Variants in MIOS observed in about 807,000 individuals in gnomAD.
MIOS encodes GATOR2 complex protein MIOS.
MIOS carries 52 observed loss-of-function variants against 96.9 expected under a neutral mutation model. The ratio of observed to expected loss-of-function variants is 0.54; its 90% confidence interval spans 0.43 to 0.68. The LOEUF is 0.68. MIOS is among the 30% of genes least tolerant of loss of function. The pLI is 0.00. For missense variants in MIOS, 1,005 were observed against 1,052.8 expected (o/e 0.95, Z 0.63); for synonymous variants, 397 against 359.5 (o/e 1.10, Z -1.18).
At chr7:7,597,517 T>TATATATATATATATATATAAA (rs372634070) in intron 11 of MIOS, among the ~76,000 whole-genome samples, 1 of 70,424 alleles carries the variant, frequency 1.4e-5, no homozygotes, top group Non-Finnish European at 2.7e-5. Flanking sequence ...TATATATATA[T>TATATATATATATATATATAAA]GAAGGCAATA....
intron 5 of MIOS, among the ~76,000 whole-genome samples, chr7:7,579,287 C>T (rs1004410646): frequency 6.6e-6 from 1 of 152,164 alleles, no homozygotes; most frequent in African/African-American, 2.4e-5. Context: ...AAAAAGATCT[C>T]TAAGCAGAAA....
At chr7:7,576,873 G>A (rs934996658) in intron 5 of MIOS, among the ~76,000 whole-genome samples, 1 of 152,108 alleles carries the variant, frequency 6.6e-6, no homozygotes, top group Admixed American at 6.5e-5. Context: ...TAGATAAAGG[G>A]GTGGAGAAGA....
downstream of MIOS, chr7:7,609,044 A>G (rs1784598920): frequency 1.3e-5 from 2 of 152,222 alleles, no homozygotes; most frequent in South Asian, 4.1e-4. Context: ...TAAACTCAAC[A>G]AGATACTTTA....
intron 5 of MIOS, among the ~76,000 whole-genome samples, chr7:7,581,265 T>C (rs1457236906): frequency 6.6e-6 from 1 of 151,750 alleles, no homozygotes; most frequent in Non-Finnish European, 1.5e-5. Context: ...CGTGTGCCAT[T>C]GCACTCCAGC....
rs142721449 is a variant in MIOS at position 7,593,368 on chromosome 7, G to A, written c.2044-1612G>A. 9.1e-4 allele frequency among the ~76,000 whole-genome samples: 138 copies of A among 152,058 alleles called. 2 individuals carry two copies. In the East Asian group the frequency reaches 0.024, roughly 26 times the overall value. On this transcript the variant is annotated intron_variant, in intron 9 of 12. Transcript: ENST00000340080. ...AGATATGTTGCTTCAGTTTTTGATT[G>A]GATGTCTAAAGATTATATTAGCTCT...
chr7:7,601,899 G>C (rs985038043), intron 11 of MIOS, among the ~76,000 whole-genome samples: 2 of 152,156 alleles, frequency 1.3e-5, no homozygotes, highest in African/African-American at 4.8e-5. Context: ...TCATCCCTGG[G>C]ATGCAAGGCT....
chr7:7,586,030 T>G (rs1452211820), intron 7 of MIOS, among the ~76,000 whole-genome samples: 1 of 152,166 alleles, frequency 6.6e-6, no homozygotes, highest in African/African-American at 2.4e-5. Flanking sequence ...TTTTATGGTT[T>G]TAATATAATT....
chr7:7,585,468 A>G (rs1783860455), intron 6 of MIOS, among the ~76,000 whole-genome samples, 168 bp from the exon 7 acceptor site: 1 of 150,696 alleles, frequency 6.6e-6, no homozygotes, highest in Admixed American at 6.6e-5. Context: ...AAGTAAAGGA[A>G]TAAAAGAATG....
chr7:7,595,947 T>A (rs1373933796), intron 10 of MIOS, among the ~76,000 whole-genome samples: 1 of 152,202 alleles, frequency 6.6e-6, no homozygotes, highest in East Asian at 1.9e-4. Flanking sequence ...CATATTGGGA[T>A]ATTTTGTAAT....
At position 7,585,808 on chromosome 7, in the gene MIOS, A is replaced by G; in HGVS notation, c.1818+3A>G. 6.3e-7 allele frequency: 1 copy of G among 1,597,794 alleles called. No individual in the cohort carries two copies. The highest frequency in any genetic ancestry group is 8.5e-7 in the Non-Finnish European group (1 of 1,173,242). On this transcript the variant is annotated splice_donor_region_variant and intron_variant, in intron 7 of 12. Coordinates refer to ENST00000340080, the MANE Select transcript of MIOS (RefSeq NM_019005.4). Reference sequence around the variant, plus strand: ...CAGGATCTTACGATGGAGTTTTGGTAAGCTAACTTGTTTTTTAAGATCTTC... The same window carrying G: ...CAGGATCTTACGATGGAGTTTTGGTGAGCTAACTTGTTTTTTAAGATCTTC...
rs1345378583 is a variant in MIOS at position 7,572,205 on chromosome 7, G to C, written c.-40-231G>C. Among the ~76,000 whole-genome samples the C allele has an allele frequency of 6.6e-6, 1 of 152,158 alleles. No individual in the cohort carries two copies. Among genetic ancestry groups the C allele is most frequent in the African/African-American group, 2.4e-5 (1 of 41,440 alleles). ...AATTGATCATGGGAAATATAGCCAG[G>C]ATGGGATTCTCAGATTCCTACCAGC... On this transcript the variant is annotated intron_variant, in intron 3 of 12. Transcript: ENST00000340080. This position sits in a 1 kb window ranked among gnomAD's most constrained non-coding sequence, Gnocchi z 4.8.
chr7:7,585,624 T>C lies in MIOS; in HGVS notation c.1649-12T>C. ...TGATCACTTTGATTAGCTGGCTGTT[T>C]TTAATATGCAGGAGATCTGAATCTC... On this transcript the variant is annotated splice_polypyrimidine_tract_variant and intron_variant, in intron 6 of 12. Coordinates refer to ENST00000340080, the MANE Select transcript of MIOS (RefSeq NM_019005.4). 6.4e-7 allele frequency: 1 copy of C among 1,566,118 alleles called. No individual in the cohort carries two copies. The highest frequency in any genetic ancestry group is 8.6e-7 in the Non-Finnish European group (1 of 1,157,250).
rs377207804 is a variant in MIOS, at chr7:7,580,694, C to CTTT, written c.1394-2409_1394-2407dup. Among the ~76,000 whole-genome samples, 77 of 129,964 alleles carry CTTT rather than the reference C, an allele frequency of 5.9e-4. 2 individuals carry two copies. Among genetic ancestry groups the CTTT allele is most frequent in the Middle Eastern group, 4.2e-3 (1 of 238 alleles). 85.3% of individuals were successfully genotyped at this position (129,964 alleles called of 152,430 possible). The stretch of plus-strand genomic sequence containing the variant: ...GACCTTTGACTATGTACTATTTTAC[C>CTTT]TTTTTTTTTTTTTTTTTAAAGAGAC... On this transcript the variant is annotated intron_variant, in intron 5 of 12. Coordinates refer to ENST00000340080, the MANE Select transcript of MIOS (RefSeq NM_019005.4).
At chr7:7,587,600 C>A (rs1783929155) in intron 7 of MIOS, among the ~76,000 whole-genome samples, 1 of 152,018 alleles carries the variant, frequency 6.6e-6, no homozygotes, top group African/African-American at 2.4e-5. Context: ...TAAAATGGGA[C>A]AGAATAATGT....
chr7:7,576,840 T>C lies in MIOS; in HGVS notation c.1393+2644T>C, dbSNP rs142897462. On this transcript the variant is annotated intron_variant, in intron 5 of 12. Coordinates refer to ENST00000340080, the MANE Select transcript of MIOS (RefSeq NM_019005.4). ...AGAGAAATGTGGATACATTAGAGAA[T>C]AGGAGAAAATTTAATGATTAATTAG... Among the ~76,000 whole-genome samples, 727 of 152,088 alleles carry C rather than the reference T, an allele frequency of 4.8e-3. 7 individuals carry two copies. Among genetic ancestry groups the C allele is most frequent in the African/African-American group, 0.017 (696 of 41,454 alleles).
rs1420282659 is a variant in MIOS, at chr7:7,605,950, A to C, written c.2410A>C (p.Lys804Gln). The C allele has an allele frequency of 3.1e-6, 5 of 1,613,604 alleles. No individual in the cohort carries two copies. The highest frequency in any genetic ancestry group is 4.2e-6 in the Non-Finnish European group (5 of 1,179,614). ...ATTTTATTTTGTCATAGGAGGAACCAAATCAGATGAAAAAGTGGACTTGAG... is the reference window on the plus strand; with the variant it reads ...ATTTTATTTTGTCATAGGAGGAACCCAATCAGATGAAAAAGTGGACTTGAG... ...TPVSSCPGGTKSDEKVDLSKD... is the reference protein window; with the variant it reads ...TPVSSCPGGTQSDEKVDLSKD... The change falls in exon 12 of 13, where the codon AAA becomes CAA. Residue 804 changes from lysine (K) to glutamine (Q), a missense_variant. Transcript: ENST00000340080.
rs1018043911 is a variant in MIOS at position 7,605,857 on chromosome 7, A to G, written c.2402-85A>G. 6 of 1,336,200 alleles carry G rather than the reference A, an allele frequency of 4.5e-6. No individual in the cohort carries two copies. In the East Asian group the frequency reaches 1.3e-4, roughly 28 times the overall value. 82.8% of individuals were successfully genotyped at this position (1,336,200 alleles called of 1,614,324 possible). On this transcript the variant is annotated intron_variant, in intron 11 of 12. Coordinates refer to ENST00000340080, the MANE Select transcript of MIOS (RefSeq NM_019005.4). ...ATATGATGTGTGATTCATATTTGGAACACAGTTTTAGAAATGCTTTTTGAA... is the reference window on the plus strand; with the variant it reads ...ATATGATGTGTGATTCATATTTGGAGCACAGTTTTAGAAATGCTTTTTGAA...
chr7:7,567,431 C>G (rs184914618), intron 1 of MIOS, 176 bp from the exon 2 acceptor site: 1 of 152,238 alleles, frequency 6.6e-6, no homozygotes, highest in Non-Finnish European at 1.5e-5. Flanking sequence ...GCAACGTGCC[C>G]TGTTCCCGTT....
In MIOS at chr7:7,583,378, A is replaced by G. The variant is rs779917204; in HGVS notation, c.1648+6A>G. 6.3e-7 allele frequency: 1 copy of G among 1,594,520 alleles called. No homozygotes were observed. The highest frequency in any genetic ancestry group is 8.6e-7 in the Non-Finnish European group (1 of 1,168,608). On this transcript the variant is annotated splice_donor_region_variant and intron_variant, in intron 6 of 12. Transcript: ENST00000340080. The stretch of plus-strand genomic sequence containing the variant: ...AGGGGCATCTTCTGAAAAAGGTATT[A>G]GGTTATAAACTAAGATATTAGTTAT...
Sources: allele counts gnomAD v4.1 joint callset (sites outside exome capture counted in the v4.1 genomes callset), GRCh38; gene constraint gnomAD v4.1.1; non-coding constraint Gnocchi (gnomAD v3.1); transcripts MANE v1.5; gene names NCBI Gene and HGNC (gene_info 2026-07-23, HGNC 2026-07-21).